Variants in CREB5 observed in about 807,000 individuals in gnomAD.
CREB5 encodes the protein cAMP responsive element binding protein 5.
A neutral mutation model predicts 57.1 loss-of-function variants in CREB5; 19 were observed. The observed-to-expected ratio is 0.33, with a 90% CI of 0.23 to 0.49. The LOEUF (loss-of-function observed/expected upper bound fraction) is 0.49. CREB5 is among the 20% of genes least tolerant of loss of function. The pLI is 0.99. For synonymous variants in CREB5, 238 were observed against 238.3 expected (o/e 1.00, Z 0.01); for missense variants, 579 against 671.6 (o/e 0.86, Z 1.52).
intron 5 of CREB5, among the ~76,000 whole-genome samples, chr7:28,589,829 G>A (rs1796433881): frequency 6.6e-6 from 1 of 152,114 alleles, no homozygotes; most frequent in Non-Finnish European, 1.5e-5. Context: ...GAAGGAGCAG[G>A]AGAGAAAAGG....
chr7:28,742,888 T>A (rs1170613555), intron 7 of CREB5, among the ~76,000 whole-genome samples: 4 of 152,170 alleles, frequency 2.6e-5, no homozygotes, highest in Non-Finnish European at 5.9e-5. Context: ...ATTCAAGCGA[T>A]TCTCCTGCTT....
At chr7:28,641,420 A>G (rs566783489) in intron 5 of CREB5, among the ~76,000 whole-genome samples, 1 of 152,266 alleles carries the variant, frequency 6.6e-6, no homozygotes, top group South Asian at 2.1e-4. Context: ...TCAGACAAAG[A>G]AACTTGGACC....
At position 28,494,924 on chromosome 7, in the gene CREB5, C is replaced by T. The variant is rs777663588; in HGVS notation, c.94C>T (p.His32Tyr). 2 of 1,604,068 alleles carry T rather than the reference C, an allele frequency of 1.2e-6. No homozygotes were observed. Among genetic ancestry groups the T allele is most frequent in the African/African-American group, 1.3e-5 (1 of 74,102 alleles). ...GCSQRFPTED[H>Y]LMIHRHKHEM... ...CCGACAGCGCTTCCCAACAGAGGAC[C>T]ATCTGATGATTCATAGGCACAAACA... The change falls in exon 3 of 11, where the codon CAT becomes TAT. Residue 32 changes from histidine to tyrosine, a missense_variant. Around this residue, in one of 3 missense-constraint regions of CREB5, gnomAD observed 459 missense variants for 515.7 expected, o/e 0.89. Transcript: ENST00000357727.
At chr7:28,672,049 T>C (rs1028347147) in intron 5 of CREB5, among the ~76,000 whole-genome samples, 1 of 152,246 alleles carries the variant, frequency 6.6e-6, no homozygotes, top group African/African-American at 2.4e-5. Context: ...TGTTGTTACG[T>C]ATATTTTACT....
intron 1 of CREB5, among the ~76,000 whole-genome samples, chr7:28,416,183 A>G (rs549953887): frequency 1.3e-5 from 2 of 152,300 alleles, no homozygotes; most frequent in Admixed American, 1.3e-4. Context: ...AGCTGTTTGC[A>G]TGCGATTTTA....
At chr7:28,659,109 T>G (rs1395805690) in intron 5 of CREB5, among the ~76,000 whole-genome samples, 1 of 151,626 alleles carries the variant, frequency 6.6e-6, no homozygotes, top group Non-Finnish European at 1.5e-5. Flanking sequence ...TTCACAAATG[T>G]GGAAGAGAAT....
chr7:28,696,065 T>G (rs1173859367), intron 5 of CREB5, among the ~76,000 whole-genome samples: 2 of 152,204 alleles, frequency 1.3e-5, no homozygotes, highest in East Asian at 3.9e-4. Context: ...GACAGTGCAG[T>G]GGAGCAGCAT....
chr7:28,595,314 A>G (rs758949887), intron 5 of CREB5, among the ~76,000 whole-genome samples: 12 of 151,836 alleles, frequency 7.9e-5, no homozygotes, highest in Admixed American at 3.3e-4. Flanking sequence ...CATCACCCTC[A>G]CTATGCCAGA....
intron 4 of CREB5, among the ~76,000 whole-genome samples, chr7:28,535,473 T>A (rs1285679518): frequency 7.0e-6 from 1 of 142,864 alleles, no homozygotes; most frequent in Non-Finnish European, 1.6e-5. Context: ...AGTCTCATAA[T>A]ATTTCCTTCT....
intron 5 of CREB5, among the ~76,000 whole-genome samples, chr7:28,670,502 A>G (rs1445476532): frequency 6.6e-6 from 1 of 152,234 alleles, no homozygotes; most frequent in Non-Finnish European, 1.5e-5. Context: ...TTCCATCATT[A>G]GGAATGTTTT....
intron 1 of CREB5, among the ~76,000 whole-genome samples, chr7:28,402,622 T>C (rs909524930): frequency 1.1e-4 from 16 of 152,202 alleles, no homozygotes; most frequent in African/African-American, 3.4e-4. Flanking sequence ...GCTGGCCATA[T>C]GTAGAAAGCT....
intron 5 of CREB5, among the ~76,000 whole-genome samples, chr7:28,670,621 TA>T (rs1391625852): frequency 2.6e-5 from 4 of 152,186 alleles, no homozygotes; most frequent in South Asian, 2.1e-4. Flanking sequence ...AGGGGATATG[TA>T]GCTTATATGA....
chr7:28,593,839 A>G (rs1796607422), intron 5 of CREB5, among the ~76,000 whole-genome samples: 1 of 152,210 alleles, frequency 6.6e-6, no homozygotes, highest in African/African-American at 2.4e-5. Context: ...AGGACCCATT[A>G]ATTTTGGATC....
At chr7:28,799,640 C>T (rs1186905997) in intron 7 of CREB5, among the ~76,000 whole-genome samples, 4 of 152,186 alleles carry the variant, frequency 2.6e-5, no homozygotes, top group Non-Finnish European at 5.9e-5. Context: ...GAAGGGATGG[C>T]ACAATGACCC....
At chr7:28,323,057 T>A (rs1380811351) in intron 1 of CREB5, among the ~76,000 whole-genome samples, 1 of 152,184 alleles carries the variant, frequency 6.6e-6, no homozygotes, top group Non-Finnish European at 1.5e-5. Flanking sequence ...ACCAGCACTT[T>A]AATACCTCCC....
At chr7:28,516,407 A>G (rs897383113) in intron 4 of CREB5, among the ~76,000 whole-genome samples, 32 of 152,320 alleles carry the variant, frequency 2.1e-4, no homozygotes, top group African/African-American at 7.5e-4. Context: ...CTACAGCAAC[A>G]TGTGGTCAGT....
chr7:28,329,647 A>G (rs930467414), intron 1 of CREB5, among the ~76,000 whole-genome samples: 5 of 152,308 alleles, frequency 3.3e-5, no homozygotes, highest in South Asian at 4.1e-4. Context: ...CCACCACTGA[A>G]AAAAGTTCCC....
chr7:28,758,776 G>A (rs1805481881), intron 7 of CREB5, among the ~76,000 whole-genome samples: 1 of 152,188 alleles, frequency 6.6e-6, no homozygotes, highest in Non-Finnish European at 1.5e-5. Context: ...CGAGCACAAA[G>A]TCCCATGATG....
chr7:28,624,251 A>G (rs771775574), intron 5 of CREB5, among the ~76,000 whole-genome samples: 15 of 152,222 alleles, frequency 9.9e-5, no homozygotes, highest in African/African-American at 3.6e-4. Context: ...TCAAGCGTTT[A>G]CTATTTCATT....
Sources: gnomAD v4.1 joint callset for allele counts (sites outside exome capture counted in the v4.1 genomes callset) on GRCh38, gnomAD v4.1.1 for gene constraint, gnomAD v4.1.1 regional missense constraint, MANE v1.5 for transcripts, NCBI Gene and HGNC (gene_info 2026-07-23, HGNC 2026-07-21) for gene names.